SFI1: variants seen among roughly 807,000 people sequenced by gnomAD.
SFI1 encodes the protein SFI1 centrin binding protein, also known as protein SFI1 homolog.
Under a neutral mutation model 207.5 loss-of-function variants are expected in SFI1, and 195 were observed. That is an observed-to-expected ratio of 0.94 (90% CI 0.84 to 1.06). The LOEUF is 1.06. Among genes scored for constraint, SFI1 ranks in the 50% least tolerant of loss-of-function variants. The pLI, the probability that SFI1 is intolerant of heterozygous loss-of-function variation, is 0.00. For synonymous variants in SFI1, 630 were observed against 598.9 expected (o/e 1.05, Z -0.76); for missense variants, 1,634 against 1,588.0 (o/e 1.03, Z -0.49).
chr22:31,599,081 C>T (rs112213787), intron 15 of SFI1, among the ~76,000 whole-genome samples: 11 of 151,142 alleles, frequency 7.3e-5, no homozygotes, highest in Non-Finnish European at 1.5e-4. Context: ...TGTGAGCCAC[C>T]GCGCCCGGCC....
intron 5 of SFI1, among the ~76,000 whole-genome samples, chr22:31,548,402 C>G (rs2060302020): frequency 6.6e-6 from 1 of 151,058 alleles, no homozygotes; most frequent in South Asian, 2.1e-4. Flanking sequence ...GAAACCTTGT[C>G]TCTATTAAAA....
intron 20 of SFI1, 112 bp downstream of exon 20, chr22:31,605,057 C>G: frequency 2.3e-6 from 2 of 888,186 alleles, no homozygotes. Context: ...ATCCCGGGTT[C>G]CTAGTCGCTA....
chr22:31,510,722 C>T (rs2055370555), intron 2 of SFI1, among the ~76,000 whole-genome samples: 1 of 152,236 alleles, frequency 6.6e-6, no homozygotes, highest in Admixed American at 6.5e-5. Context: ...GCATGAGCCA[C>T]TGAGCCCAGC....
chr22:31,554,621 TTC>T (rs1222844212), intron 6 of SFI1, among the ~76,000 whole-genome samples: 2 of 150,478 alleles, frequency 1.3e-5, no homozygotes, highest in Admixed American at 1.4e-4. Context: ...TTTTTTTTTT[TTC>T]AGATGGAGCC....
intron 12 of SFI1, among the ~76,000 whole-genome samples, chr22:31,583,621 A>G (rs774099340): frequency 2.4e-4 from 36 of 152,144 alleles, no homozygotes; most frequent in Non-Finnish European, 3.7e-4. Flanking sequence ...CTAAAATGTC[A>G]TTGTCTTCTG....
chr22:31,579,313 T>G (rs1211527172), intron 11 of SFI1, among the ~76,000 whole-genome samples: 1 of 150,544 alleles, frequency 6.6e-6, no homozygotes, highest in Non-Finnish European at 1.5e-5. Flanking sequence ...CCAACTAATT[T>G]TTTAGATTTT....
At chr22:31,526,712 C>T (rs1424931800) in intron 2 of SFI1, among the ~76,000 whole-genome samples, 6 of 152,034 alleles carry the variant, frequency 3.9e-5, no homozygotes, top group Admixed American at 6.6e-5. Flanking sequence ...TGTGCCACCA[C>T]ACCCGGCTAA....
chr22:31,565,388 A>G (rs924564739), intron 8 of SFI1, among the ~76,000 whole-genome samples: 1 of 151,910 alleles, frequency 6.6e-6, no homozygotes, highest in African/African-American at 2.4e-5. Flanking sequence ...TGGGCAATAT[A>G]ATGAGACCCC....
chr22:31,506,804 G>A (rs759569392), intron 1 of SFI1, among the ~76,000 whole-genome samples: 20 of 152,050 alleles, frequency 1.3e-4, no homozygotes, highest in Non-Finnish European at 2.2e-4. Context: ...GCTAACAAGG[G>A]AAGTGAAAGA....
intron 5 of SFI1, among the ~76,000 whole-genome samples, chr22:31,547,811 T>C (rs1359517529): frequency 1.3e-5 from 2 of 150,884 alleles, no homozygotes; most frequent in African/African-American, 4.9e-5. Flanking sequence ...GGTTTCTCCA[T>C]GTTGGTCAGT....
intron 8 of SFI1, among the ~76,000 whole-genome samples, chr22:31,565,800 C>T (rs965799535): frequency 2.6e-5 from 4 of 151,958 alleles, no homozygotes; most frequent in Non-Finnish European, 4.4e-5. Context: ...TTTAGTGCAA[C>T]GGTATATTTT....
chr22:31,531,176 G>A (rs1293389009), intron 4 of SFI1, 47 bp downstream of exon 4: 1 of 1,498,656 alleles, frequency 6.7e-7, no homozygotes, highest in African/African-American at 1.4e-5. Flanking sequence ...TCATTCTAGG[G>A]TTTTCTTTTA....
chr22:31,558,344 A>G (rs1239532165), intron 7 of SFI1, among the ~76,000 whole-genome samples: 1 of 152,134 alleles, frequency 6.6e-6, no homozygotes, highest in Non-Finnish European at 1.5e-5. Context: ...CTGGGCAACA[A>G]AGCCAAGACC....
At chr22:31,590,979 A>ATTTATTTATTTTT (rs1285119931) in intron 15 of SFI1, among the ~76,000 whole-genome samples, 1 of 142,130 alleles carries the variant, frequency 7.0e-6, no homozygotes, top group African/African-American at 2.7e-5. Context: ...TTATTTATTT[A>ATTTATTTATTTTT]TTTTTTTATT....
intron 23 of SFI1, 56 bp from the exon 24 acceptor site, chr22:31,611,710 C>T: frequency 1.9e-6 from 3 of 1,563,672 alleles, no homozygotes; most frequent in Non-Finnish European, 2.6e-6. Context: ...AGGACCCACC[C>T]CAGGCTGTCT....
At chr22:31,500,769 T>C (rs928841267) in intron 1 of SFI1, among the ~76,000 whole-genome samples, 4 of 148,702 alleles carry the variant, frequency 2.7e-5, no homozygotes, top group African/African-American at 1.0e-4. Flanking sequence ...TAAAGTGGTG[T>C]TTTTGTGTGT....
rs1184478538 is a variant in SFI1 at position 31,503,898 on chromosome 22, A to G, written c.-30-4357A>G. On this transcript the variant is annotated intron_variant, in intron 1 of 32. Transcript: ENST00000400288. ...GCCACTGTCCTCGGCCATGTTTTGT[A>G]TTTGATTATCATTATATTCATTATA... is the stretch of plus-strand genomic sequence containing the variant. Among the ~76,000 whole-genome samples, 7 of 144,948 alleles carry G rather than the reference A, an allele frequency of 4.8e-5. No individual in the cohort carries two copies. The East Asian group carries it at 1.6e-3, about 33-fold the overall frequency.
Position 31,531,149 on chromosome 22 carries a change from A to G in SFI1, c.338+20A>G. On this transcript the variant is annotated intron_variant, in intron 4 of 32. Transcript: ENST00000400288. Reference sequence around the variant, plus strand: ...AGCCAGGTAGTATTAGCTCAGAACAACATAATTGTGTTGAGTTCATTCTAG... The same window carrying G: ...AGCCAGGTAGTATTAGCTCAGAACAGCATAATTGTGTTGAGTTCATTCTAG... 1 of 1,586,640 alleles carries G rather than the reference A, an allele frequency of 6.3e-7. No individual in the cohort carries two copies. Among genetic ancestry groups the G allele is most frequent in the African/African-American group, 1.4e-5 (1 of 73,832 alleles).
chr22:31,527,058 G>A (rs377026892), intron 2 of SFI1, among the ~76,000 whole-genome samples: 19 of 151,878 alleles, frequency 1.3e-4, no homozygotes, highest in African/African-American at 4.3e-4. Context: ...CACCACATCC[G>A]GCTGACTTTT....
Sources: allele counts gnomAD v4.1 joint callset (sites outside exome capture counted in the v4.1 genomes callset), GRCh38; gene constraint gnomAD v4.1.1; transcripts MANE v1.5; gene names NCBI Gene and HGNC (gene_info 2026-07-23, HGNC 2026-07-21).